ARID2: variants seen among roughly 807,000 people sequenced by gnomAD.
The protein encoded by ARID2 is AT-rich interactive domain-containing protein 2.
Under a neutral mutation model 184.6 loss-of-function variants are expected in ARID2, and 32 were observed. The ratio of observed to expected loss-of-function variants is 0.17; its 90% confidence interval spans 0.13 to 0.23. The LOEUF is 0.23. Among genes scored for constraint, ARID2 ranks in the 10% least tolerant of loss-of-function variants. The pLI, the probability that ARID2 is intolerant of heterozygous loss-of-function variation, is 1.00. For synonymous variants in ARID2, 836 were observed against 772.6 expected, an observed-to-expected ratio of 1.08 and a Z score of -1.36; for missense variants, 1,696 against 2,197.6, an observed-to-expected ratio of 0.77 and a Z score of 4.56.
In ARID2 at chr12:45,907,080, C is replaced by G. The variant is rs1467394065; in HGVS notation, c.*2002C>G. On this transcript the variant is annotated 3_prime_UTR_variant, in exon 21 of 21. Transcript: ENST00000334344. ...TCTCAAAGGAATGTTTGAGAAACTT[C>G]ATCTAATATTAGTTATAAGGTTGTG... 4.3e-6 allele frequency: 1 copy of G among 232,192 alleles called. No homozygotes were observed. Among genetic ancestry groups the G allele is most frequent in the African/African-American group, 2.2e-5 (1 of 45,294 alleles). 14.4% of individuals were successfully genotyped at this position (232,192 alleles called of 1,614,324 possible).
intron 6 of ARID2, among the ~76,000 whole-genome samples, chr12:45,831,809 G>A (rs917378018): frequency 3.3e-5 from 5 of 151,986 alleles, no homozygotes; most frequent in Admixed American, 1.3e-4. Context: ...TTTACCTTAC[G>A]TCTTTTGAAC....
chr12:45,890,209 A>G (rs892061076), intron 16 of ARID2, among the ~76,000 whole-genome samples: 1 of 152,242 alleles, frequency 6.6e-6, no homozygotes, highest in Non-Finnish European at 1.5e-5. Flanking sequence ...CTGTTTTAAA[A>G]TCATACATAG....
intron 6 of ARID2, among the ~76,000 whole-genome samples, chr12:45,824,960 G>A (rs994983458): frequency 4.6e-5 from 7 of 151,584 alleles, no homozygotes; most frequent in Non-Finnish European, 1.0e-4. Context: ...GGTTGGAACT[G>A]GAGGTCATTA....
At chr12:45,904,273 T>C (rs1944493303) in intron 20 of ARID2, 3 of 694,892 alleles carry the variant, frequency 4.3e-6, no homozygotes, top group Non-Finnish European at 8.0e-6. Context: ...TAATTTCATG[T>C]CATCCCTTAA....
chr12:45,754,712 T>C (rs1176148667), intron 3 of ARID2, among the ~76,000 whole-genome samples: 1 of 152,216 alleles, frequency 6.6e-6, no homozygotes, highest in African/African-American at 2.4e-5. Context: ...AACACTACTA[T>C]AACAACTTTT....
Position 45,837,574 on chromosome 12 carries a change from C to T in ARID2, c.1197C>T (p.Ser399=), listed in dbSNP as rs2138131834. ...TTTGTGAATATGTGGATCAGGATTC[C>T]TACAGAGAGATCATTTGTCATCTCA... ...VLICEYVDQD[S]YREIICHLTL... Residue 399 remains serine (S), a synonymous_variant, in exon 10 of 21, where the codon TCC becomes TCT. Transcript: ENST00000334344. 6.2e-7 allele frequency: 1 copy of T among 1,613,972 alleles called. No homozygotes were observed.
chr12:45,795,622 G>C (rs924178917), intron 3 of ARID2, among the ~76,000 whole-genome samples: 9 of 151,876 alleles, frequency 5.9e-5, no homozygotes, highest in Non-Finnish European at 1.2e-4. Context: ...TTTTTTACTA[G>C]AGACGGGGTT....
At chr12:45,807,044 G>C (rs918486899) in intron 3 of ARID2, among the ~76,000 whole-genome samples, 1 of 152,134 alleles carries the variant, frequency 6.6e-6, no homozygotes, top group Admixed American at 6.5e-5. Flanking sequence ...AATTGAACTT[G>C]CCTTTTTAAG....
chr12:45,891,644 G>T, intron 16 of ARID2, 136 bp from the exon 17 acceptor site: 1 of 860,578 alleles, frequency 1.2e-6, no homozygotes, highest in Non-Finnish European at 1.7e-6. Flanking sequence ...TATGAATAAG[G>T]GATGTTAAAA....
chr12:45,899,713 A>ATATATATATATGGTTT, intron 20 of ARID2, among the ~76,000 whole-genome samples: 1 of 139,772 alleles, frequency 7.2e-6, no homozygotes, highest in Non-Finnish European at 1.5e-5. Flanking sequence ...ATATATGGTT[A>ATATATATATATGGTTT]TATATATATG....
chr12:45,734,653 T>A (rs1434091896), intron 3 of ARID2, among the ~76,000 whole-genome samples: 1 of 152,148 alleles, frequency 6.6e-6, no homozygotes, highest in Non-Finnish European at 1.5e-5. Context: ...TGTTCAATAA[T>A]ATTTGGAAAT....
chr12:45,764,859 T>C (rs1941743309), intron 3 of ARID2, among the ~76,000 whole-genome samples: 1 of 152,220 alleles, frequency 6.6e-6, no homozygotes, highest in Non-Finnish European at 1.5e-5. Flanking sequence ...TTTGAGTAAA[T>C]ACCAAGGAGT....
intron 3 of ARID2, among the ~76,000 whole-genome samples, chr12:45,808,982 C>A (rs1012698038): frequency 3.9e-5 from 6 of 152,120 alleles, no homozygotes; most frequent in African/African-American, 1.4e-4. Context: ...GCCATGCTGG[C>A]CTCGAACTCT....
chr12:45,779,192 C>T (rs1248752758), intron 3 of ARID2, among the ~76,000 whole-genome samples: 4 of 151,710 alleles, frequency 2.6e-5, no homozygotes, highest in African/African-American at 4.8e-5. Flanking sequence ...CTGATTATTT[C>T]CTTTTATATT....
Position 45,814,054 on chromosome 12 carries a change from C to T in ARID2, c.418+2503C>T, listed in dbSNP as rs61925810. 4.1e-3 allele frequency among the ~76,000 whole-genome samples: 617 copies of T among 152,098 alleles called. 1 individual carries two copies. Among genetic ancestry groups the T allele is most frequent in the Non-Finnish European group, 6.8e-3 (462 of 67,998 alleles). On this transcript the variant is annotated intron_variant, in intron 4 of 20. Coordinates refer to ENST00000334344, the MANE Select transcript of ARID2 (RefSeq NM_152641.4). Reference sequence around the variant, plus strand: ...TTTTAATAAAGTGAAGCCAAGTACCCGGTCCATTTGCATTTTTGGTACTTA... The same window carrying T: ...TTTTAATAAAGTGAAGCCAAGTACCTGGTCCATTTGCATTTTTGGTACTTA...
At chr12:45,788,138 A>G (rs1195967715) in intron 3 of ARID2, among the ~76,000 whole-genome samples, 1 of 152,172 alleles carries the variant, frequency 6.6e-6, no homozygotes, top group African/African-American at 2.4e-5. Flanking sequence ...CTTTAGAGAG[A>G]TCATTTGTCT....
At chr12:45,746,130 A>C (rs939312762) in intron 3 of ARID2, among the ~76,000 whole-genome samples, 26 of 146,288 alleles carry the variant, frequency 1.8e-4, no homozygotes, top group African/African-American at 5.6e-4. Flanking sequence ...TGGAGACAGG[A>C]TCTTGCTCTG....
intron 16 of ARID2, among the ~76,000 whole-genome samples, chr12:45,870,866 G>A (rs897962239): frequency 6.6e-5 from 10 of 152,082 alleles, no homozygotes; most frequent in African/African-American, 2.2e-4. Flanking sequence ...CTATTGAACA[G>A]TGTCATAATT....
intron 16 of ARID2, among the ~76,000 whole-genome samples, chr12:45,870,161 G>T (rs1446160265): frequency 4.6e-5 from 7 of 151,772 alleles, no homozygotes; most frequent in Admixed American, 2.0e-4. Flanking sequence ...AACTTTTTTT[G>T]TATTTTTAGT....
Sources: allele counts gnomAD v4.1 joint callset (sites outside exome capture counted in the v4.1 genomes callset), GRCh38; gene constraint gnomAD v4.1.1; transcripts MANE v1.5; gene names NCBI Gene and HGNC (gene_info 2026-07-23, HGNC 2026-07-21).